The following PRTG variants were observed in gnomAD, a reference collection of about 807,000 sequenced individuals.
PRTG encodes the protein immunoglobulin superfamily, DCC subclass, member 5.
PRTG carries 67 observed loss-of-function variants against 122.5 expected under a neutral mutation model. The ratio of observed to expected loss-of-function variants is 0.55; its 90% confidence interval spans 0.45 to 0.67. PRTG has a LOEUF of 0.67. Among genes scored for constraint, PRTG ranks in the 30% least tolerant of loss-of-function variants. PRTG has a pLI of 0.00. For synonymous variants in PRTG, 554 were observed against 501.1 expected, an observed-to-expected ratio of 1.11 and a Z score of -1.41; for missense variants, 1,435 against 1,415.4, an observed-to-expected ratio of 1.01 and a Z score of -0.22.
At chr15:55,641,770 G>A (rs1456212127) in intron 11 of PRTG, among the ~76,000 whole-genome samples, 1 of 152,066 alleles carries the variant, frequency 6.6e-6, no homozygotes, top group Non-Finnish European at 1.5e-5. Context: ...TCTCAAGTGC[G>A]AACTTCACCA....
intron 11 of PRTG, among the ~76,000 whole-genome samples, chr15:55,659,630 A>G (rs1401267493): frequency 3.9e-5 from 6 of 152,152 alleles, no homozygotes; most frequent in Admixed American, 1.3e-4. Flanking sequence ...ATGGGTAATC[A>G]CTTAACCTGA....
intron 2 of PRTG, 52 bp from the exon 3 acceptor site, chr15:55,683,983 A>G: frequency 2.0e-6 from 3 of 1,497,274 alleles, no homozygotes; most frequent in African/African-American, 1.4e-5. Flanking sequence ...AATAACACTT[A>G]GAAGTAACAT....
At chr15:55,632,914 T>C (rs1422504398) in intron 15 of PRTG, among the ~76,000 whole-genome samples, 4 of 152,318 alleles carry the variant, frequency 2.6e-5, no homozygotes, top group East Asian at 1.9e-4. Flanking sequence ...CAGTAAGAAT[T>C]AGTTTAGTAA....
intron 2 of PRTG, among the ~76,000 whole-genome samples, chr15:55,686,275 G>A (rs1206546919): frequency 6.6e-6 from 1 of 152,114 alleles, no homozygotes; most frequent in African/African-American, 2.4e-5. Context: ...TTCCATGTGT[G>A]AGGGGTGACC....
At chr15:55,728,232 T>G (rs1026101622) in intron 2 of PRTG, among the ~76,000 whole-genome samples, 1 of 152,154 alleles carries the variant, frequency 6.6e-6, no homozygotes, top group African/African-American at 2.4e-5. Flanking sequence ...AATACAGTAT[T>G]TTTATAGGGA....
At position 55,718,904 on chromosome 15, in the gene PRTG, G is replaced by A. The variant is rs573635471; in HGVS notation, c.397+21478C>T. ...ACTACAGGTGCACACCGTCATGCTCGGCTAATTTTTTTTTATTTTTAGTAG... is the reference window on the plus strand; with the variant it reads ...ACTACAGGTGCACACCGTCATGCTCAGCTAATTTTTTTTTATTTTTAGTAG... On this transcript the variant is annotated intron_variant, in intron 2 of 19. Coordinates refer to ENST00000389286, the MANE Select transcript of PRTG (RefSeq NM_173814.6). Among the ~76,000 whole-genome samples the A allele has an allele frequency of 2.4e-3, 356 of 148,602 alleles. 1 individual carries two copies. The highest frequency in any genetic ancestry group is 8.5e-3 in the African/African-American group (338 of 39,914).
intron 2 of PRTG, among the ~76,000 whole-genome samples, chr15:55,691,301 A>C (rs1196850848): frequency 6.9e-6 from 1 of 143,964 alleles, no homozygotes; most frequent in African/African-American, 2.9e-5. Context: ...TGTTTCAAAA[A>C]AAAAAAAAAA....
At chr15:55,700,788 A>G (rs930804363) in intron 2 of PRTG, among the ~76,000 whole-genome samples, 2 of 152,118 alleles carry the variant, frequency 1.3e-5, no homozygotes, top group Non-Finnish European at 2.9e-5. Flanking sequence ...AAAAATAAAT[A>G]AAATAAACCC....
intron 12 of PRTG, among the ~76,000 whole-genome samples, chr15:55,640,910 C>T (rs1449056344): frequency 6.6e-6 from 1 of 151,018 alleles, no homozygotes; most frequent in African/African-American, 2.4e-5. Flanking sequence ...CCCAGCTACT[C>T]GAGAGGCTGA....
chr15:55,647,060 G>A (rs769231010), intron 11 of PRTG, among the ~76,000 whole-genome samples: 26 of 152,144 alleles, frequency 1.7e-4, no homozygotes, highest in Admixed American at 2.6e-4. Flanking sequence ...TTGGGAGGCC[G>A]AGGCAGGTGG....
chr15:55,712,658 C>G (rs1361191049), intron 2 of PRTG, among the ~76,000 whole-genome samples: 1 of 152,162 alleles, frequency 6.6e-6, no homozygotes, highest in African/African-American at 2.4e-5. Context: ...GTGCCAAGTA[C>G]AGATATAGCT....
chr15:55,697,772 G>C (rs568157973), intron 2 of PRTG, among the ~76,000 whole-genome samples: 3 of 152,196 alleles, frequency 2.0e-5, no homozygotes, highest in Non-Finnish European at 4.4e-5. Context: ...TTACAGGCGT[G>C]AGCCACCGCG....
At chr15:55,628,790 A>G (rs754721201) in intron 16 of PRTG, 32 bp downstream of exon 16, 1 of 1,539,762 alleles carries the variant, frequency 6.5e-7, no homozygotes, top group Admixed American at 2.0e-5. Flanking sequence ...TTTTCTTAAG[A>G]AAAATCACAG....
chr15:55,646,499 T>G (rs113282697), intron 11 of PRTG, among the ~76,000 whole-genome samples: 3 of 151,502 alleles, frequency 2.0e-5, no homozygotes, highest in Admixed American at 2.0e-4. Flanking sequence ...ATTTTTTGTA[T>G]TTTTAGTAGA....
At chr15:55,734,630 A>G (rs878871396) in intron 2 of PRTG, among the ~76,000 whole-genome samples, 1 of 151,708 alleles carries the variant, frequency 6.6e-6, no homozygotes, top group Non-Finnish European at 1.5e-5. Context: ...AACACGAAAA[A>G]AGGGCAAATC....
Position 55,628,825 on chromosome 15 carries a change from T to C in PRTG, c.2803A>G (p.Lys935Glu), listed in dbSNP as rs2059209925. 3 of 1,612,516 alleles carry C rather than the reference T, an allele frequency of 1.9e-6. No individual in the cohort carries two copies. The highest frequency in any genetic ancestry group is 2.5e-6 in the Non-Finnish European group (3 of 1,179,080). ...GTGACTACGGCAGTATACAGACCTTTGGCATCAGCAGAATCTAAACGCTTG... is the reference window on the plus strand; with the variant it reads ...GTGACTACGGCAGTATACAGACCTTCGGCATCAGCAGAATCTAAACGCTTG... ...RPKRLDSADA[K>E]VYSGYYHLDQ... is the part of the protein sequence containing the mutation. The change falls in exon 16 of 20, where the codon AAA becomes GAA. Residue 935 changes from lysine (K) to glutamate (E), a missense_variant. Coordinates refer to ENST00000389286, the MANE Select transcript of PRTG (RefSeq NM_173814.6).
chr15:55,645,185 C>T (rs1028767025), intron 11 of PRTG, among the ~76,000 whole-genome samples: 2 of 151,500 alleles, frequency 1.3e-5, no homozygotes, highest in Admixed American at 1.3e-4. Flanking sequence ...CCTGTAATCC[C>T]AGCACTTTGG....
chr15:55,626,346 T>C (rs573617958), intron 17 of PRTG, among the ~76,000 whole-genome samples: 154 of 151,702 alleles, frequency 1.0e-3, no homozygotes, highest in Non-Finnish European at 1.7e-3. Context: ...AAGGTGAAGG[T>C]TGCAGTGAGC....
At chr15:55,742,546 A>T (rs1311294819) in intron 1 of PRTG, 1 of 393,554 alleles carries the variant, frequency 2.5e-6, no homozygotes, top group East Asian at 4.4e-5. Context: ...AAGAGACCAG[A>T]GTGGACAGCG....
Sources: allele counts gnomAD v4.1 joint callset (sites outside exome capture counted in the v4.1 genomes callset), GRCh38; gene constraint gnomAD v4.1.1; transcripts MANE v1.5; gene names NCBI Gene and HGNC (gene_info 2026-07-23, HGNC 2026-07-21).